Variants in PCDHGA7 observed in about 807,000 individuals in gnomAD.
PCDHGA7 encodes protocadherin gamma subfamily A, 7.
PCDHGA7 carries 44 observed loss-of-function variants against 58.3 expected under a neutral mutation model. The observed-to-expected ratio is 0.75, with a 90% CI of 0.59 to 0.97. PCDHGA7 has a LOEUF of 0.97. Ranked by LOEUF, PCDHGA7 falls within the 50% of genes least tolerant of loss-of-function variation. The pLI is 0.00. For missense variants in PCDHGA7, 1,266 were observed against 1,188.7 expected, an observed-to-expected ratio of 1.06 and a Z score of -0.96; for synonymous variants, 516 against 504.2, an observed-to-expected ratio of 1.02 and a Z score of -0.31.
At position 141,392,919 on chromosome 5, in the gene PCDHGA7, C is replaced by T. The variant is rs1220575114; in HGVS notation, c.2424+7596C>T. On this transcript the variant is annotated intron_variant, in intron 1 of 3. Coordinates refer to ENST00000518325, the MANE Select transcript of PCDHGA7 (RefSeq NM_018920.4). The stretch of plus-strand genomic sequence containing the variant: ...GAGGGGACAGATTCGCTACTCTGTG[C>T]CAGAAGAGACGGACAAAGGCTCCTT... 5.0e-6 allele frequency: 8 copies of T among 1,613,762 alleles called. No individual in the cohort carries two copies. The African/African-American group carries it at 1.1e-4, about 22-fold the overall frequency.
chr5:141,433,232 C>T (rs1344380820), intron 1 of PCDHGA7: 1 of 1,516,488 alleles, frequency 6.6e-7, no homozygotes, highest in Admixed American at 1.9e-5. Flanking sequence ...ATTGCTCTGT[C>T]TCCCAAGCTG....
Position 141,511,256 on chromosome 5 carries a change from TTCAGGGC to T in PCDHGA7, c.*85_*91del. 6.4e-7 allele frequency: 1 copy of T among 1,563,506 alleles called. No individual in the cohort carries two copies. Among genetic ancestry groups the T allele is most frequent in the Non-Finnish European group, 8.7e-7 (1 of 1,154,422 alleles). The stretch of plus-strand genomic sequence containing the variant: ...CTTACCTGCACCCAGGCCTCAGAGT[TTCAGGGC>T]TAACCCCCAGAATACTGGTAGGGGC... On this transcript the variant is annotated 3_prime_UTR_variant, in exon 4 of 4. Coordinates refer to ENST00000518325, the MANE Select transcript of PCDHGA7 (RefSeq NM_018920.4).
chr5:141,410,793 G>T, intron 1 of PCDHGA7: 2 of 637,704 alleles, frequency 3.1e-6, no homozygotes, highest in Admixed American at 4.3e-5. Flanking sequence ...TGGTTCATAA[G>T]TTGCTCTATC....
In PCDHGA7 at chr5:141,489,750, C is replaced by T. The variant is rs753217170; in HGVS notation, c.2425-5057C>T. On this transcript the variant is annotated intron_variant, in intron 1 of 3. Coordinates refer to ENST00000518325, the MANE Select transcript of PCDHGA7 (RefSeq NM_018920.4). The surrounding 1 kb of genome is among the most constrained non-coding windows in gnomAD (Gnocchi z 4.5). ...TGGGCACCAATACTGTGAGCTTTTA[C>T]ACTCTAAGCCCCAACAGCCACTTCT... 1.2e-6 allele frequency: 2 copies of T among 1,614,098 alleles called. No homozygotes were observed. Among genetic ancestry groups the T allele is most frequent in the Admixed American group, 3.3e-5 (2 of 60,022 alleles).
Position 141,382,993 on chromosome 5 carries a change from C to G in PCDHGA7, c.94C>G (p.Leu32Val), listed in dbSNP as rs762865747. The part of the protein sequence containing the change: ...TPWEAWAGRI[L>V]YSVSEETDKG... ...CTGGGAAGCCTGGGCAGGACGTATT[C>G]TCTACTCCGTGTCGGAGGAGACGGA... Residue 32 changes from leucine to valine, a missense_variant, in exon 1 of 4, where the codon CTC (leucine) becomes GTC (valine). Transcript: ENST00000518325. The G allele has an allele frequency of 1.2e-6, 2 of 1,613,542 alleles. No homozygotes were observed. The highest frequency in any genetic ancestry group is 2.2e-5 in the East Asian group (1 of 44,884).
intron 1 of PCDHGA7, chr5:141,419,629 G>T: frequency 6.2e-7 from 1 of 1,612,444 alleles, no homozygotes; most frequent in Non-Finnish European, 8.5e-7. Context: ...TGGTGACCAA[G>T]GTGGTGGCCG....
intron 1 of PCDHGA7, chr5:141,414,350 C>T (rs1450829111): frequency 1.9e-6 from 3 of 1,613,726 alleles, no homozygotes; most frequent in Admixed American, 1.7e-5. Flanking sequence ...TCCATTTTGG[C>T]GTATCTACCA....
intron 1 of PCDHGA7, among the ~76,000 whole-genome samples, chr5:141,460,628 G>C (rs2098993821): frequency 6.6e-6 from 1 of 151,958 alleles, no homozygotes; most frequent in African/African-American, 2.4e-5. Flanking sequence ...GACAGATACA[G>C]ATATATAACT....
intron 1 of PCDHGA7, among the ~76,000 whole-genome samples, chr5:141,456,244 T>C (rs1382294283): frequency 6.6e-6 from 1 of 152,144 alleles, no homozygotes; most frequent in East Asian, 1.9e-4. Context: ...GTTAGGAGGC[T>C]TTGGGCGACC....
chr5:141,419,616 AC>A, intron 1 of PCDHGA7: 1 of 1,612,204 alleles, frequency 6.2e-7, no homozygotes, highest in Non-Finnish European at 8.5e-7. Flanking sequence ...CAGCCAGGCT[AC>A]CTGGTGACCA....
In PCDHGA7 at chr5:141,485,354, G is replaced by C; in HGVS notation, c.2425-9453G>C. 7 of 1,614,176 alleles carry C rather than the reference G, an allele frequency of 4.3e-6. No homozygotes were observed. Among genetic ancestry groups the C allele is most frequent in the Non-Finnish European group, 5.1e-6 (6 of 1,180,024 alleles). Reference sequence around the variant, plus strand: ...CCTGCTGGATACGGACAGTCTGTCAGCTCGCAGGCTGCAGGTCGCTGGAGA... The same window carrying C: ...CCTGCTGGATACGGACAGTCTGTCACCTCGCAGGCTGCAGGTCGCTGGAGA... On this transcript the variant is annotated intron_variant, in intron 1 of 3. Transcript: ENST00000518325. This position sits in a 1 kb window ranked among gnomAD's most constrained non-coding sequence, Gnocchi z 5.7.
At chr5:141,403,715 G>A in intron 1 of PCDHGA7, 3 of 1,613,898 alleles carry the variant, frequency 1.9e-6, no homozygotes, top group Non-Finnish European at 2.5e-6. Flanking sequence ...CCTTGAGAAC[G>A]TGCCCCCAGG....
intron 1 of PCDHGA7, among the ~76,000 whole-genome samples, chr5:141,468,824 C>A (rs1288506117): frequency 6.6e-6 from 1 of 152,010 alleles, no homozygotes; most frequent in Non-Finnish European, 1.5e-5. Flanking sequence ...CAAGATCAAG[C>A]CACTGCACTC....
intron 1 of PCDHGA7, chr5:141,478,456 T>A (rs371773090): frequency 3.1e-6 from 5 of 1,613,366 alleles, no homozygotes; most frequent in African/African-American, 2.7e-5. Context: ...GTGCAGCCAG[T>A]CCACTGGCCA....
chr5:141,431,239 G>A lies in PCDHGA7; in HGVS notation c.2424+45916G>A. 6.2e-7 allele frequency: 1 copy of A among 1,614,152 alleles called. No homozygotes were observed. The highest frequency in any genetic ancestry group is 1.3e-5 in the African/African-American group (1 of 75,062). On this transcript the variant is annotated intron_variant, in intron 1 of 3. Transcript: ENST00000518325. This position sits in a 1 kb window ranked among gnomAD's most constrained non-coding sequence, Gnocchi z 4.8. ...TCCCTCTACCCCACGCCTGGGATCC[G>A]GATATCGGGAAGAACTCTCTGCAGA...
chr5:141,480,712 A>G (rs559266864), intron 1 of PCDHGA7, among the ~76,000 whole-genome samples: 13 of 152,306 alleles, frequency 8.5e-5, no homozygotes, highest in African/African-American at 2.9e-4. Context: ...CCGACAAATG[A>G]AAGCACAGTC....
At chr5:141,494,682 C>G (rs1282135022) in intron 1 of PCDHGA7, 125 bp from the exon 2 acceptor site, 16 of 1,564,362 alleles carry the variant, frequency 1.0e-5, no homozygotes, top group African/African-American at 1.4e-5. Context: ...ACCCCTGCCC[C>G]CTCTTAGTCC....
chr5:141,487,812 T>A lies in PCDHGA7; in HGVS notation c.2425-6995T>A. ...TAACCAGAGTTGTCACAGTTTAGCA[T>A]TGGGGGCGGGTCATGCCTATATCTG... On this transcript the variant is annotated intron_variant, in intron 1 of 3. Coordinates refer to ENST00000518325, the MANE Select transcript of PCDHGA7 (RefSeq NM_018920.4). The surrounding 1 kb of genome is among the most constrained non-coding windows in gnomAD (Gnocchi z 5.0). 1 of 1,408,206 alleles carries A rather than the reference T, an allele frequency of 7.1e-7. No individual in the cohort carries two copies. The highest frequency in any genetic ancestry group is 9.7e-7 in the Non-Finnish European group (1 of 1,036,248). 87.2% of individuals were successfully genotyped at this position (1,408,206 alleles called of 1,614,324 possible). A position where few individuals can be genotyped will look rare whatever the true frequency, so the allele number is the denominator to read the frequency against.
intron 1 of PCDHGA7, chr5:141,414,301 C>A (rs199806270): frequency 1.1e-5 from 18 of 1,613,280 alleles, no homozygotes; most frequent in Non-Finnish European, 1.7e-6. Flanking sequence ...TTTAAATGTG[C>A]ATGATTTAGA....
Sources: gnomAD v4.1 joint callset for allele counts (sites outside exome capture counted in the v4.1 genomes callset) on GRCh38, gnomAD v4.1.1 for gene constraint, Gnocchi (gnomAD v3.1) non-coding constraint, MANE v1.5 for transcripts, NCBI Gene and HGNC (gene_info 2026-07-23, HGNC 2026-07-21) for gene names.